AREL1: variants seen among roughly 807,000 people sequenced by gnomAD.
The protein encoded by AREL1 is apoptosis resistant E3 ubiquitin protein ligase 1.
In AREL1, 62 loss-of-function variants were observed where a neutral mutation model predicts 99.0. That is an observed-to-expected ratio of 0.63 (90% CI 0.51 to 0.77). The LOEUF (loss-of-function observed/expected upper bound fraction) is 0.77. AREL1 is among the 30% of genes least tolerant of loss of function. AREL1 has a pLI of 0.00. For synonymous variants in AREL1, 380 were observed against 376.5 expected, an observed-to-expected ratio of 1.01 and a Z score of -0.11; for missense variants, 879 against 1,027.6, an observed-to-expected ratio of 0.86 and a Z score of 1.98.
At chr14:74,696,786 A>C (rs1472677581) in intron 1 of AREL1, among the ~76,000 whole-genome samples, 1 of 152,144 alleles carries the variant, frequency 6.6e-6, no homozygotes, top group Non-Finnish European at 1.5e-5. Context: ...CCAACATGGC[A>C]AAACCCCATC....
rs140710636 is a variant in AREL1 at position 74,665,325 on chromosome 14, C to T, written c.2104-400G>A. Among the ~76,000 whole-genome samples, 288 of 151,300 alleles carry T rather than the reference C, an allele frequency of 1.9e-3. 1 individual carries two copies. The highest frequency in any genetic ancestry group is 6.6e-3 in the African/African-American group (270 of 41,190). On this transcript the variant is annotated intron_variant, in intron 17 of 19. Transcript: ENST00000356357. Reference sequence around the variant, plus strand: ...CACTGTCTCGGCTCACTGCAACCTCCACCTCTCCACCTTGCATGCTCAAGT... The same window carrying T: ...CACTGTCTCGGCTCACTGCAACCTCTACCTCTCCACCTTGCATGCTCAAGT...
intron 8 of AREL1, among the ~76,000 whole-genome samples, chr14:74,674,388 C>T (rs1293017471): frequency 6.6e-6 from 1 of 152,068 alleles, no homozygotes; most frequent in African/African-American, 2.4e-5. Flanking sequence ...TCACTTGAGG[C>T]CAGGAGTTCA....
intron 15 of AREL1, among the ~76,000 whole-genome samples, chr14:74,668,028 A>G (rs935953023): frequency 3.9e-5 from 6 of 152,248 alleles, no homozygotes; most frequent in Non-Finnish European, 7.3e-5. Context: ...TTGTTCCCAC[A>G]CATTCTTTTA....
intron 3 of AREL1, 39 bp from the exon 4 acceptor site, chr14:74,684,719 A>C: frequency 6.3e-7 from 1 of 1,578,162 alleles, no homozygotes; most frequent in Non-Finnish European, 8.7e-7. Context: ...CCTGCCAGTT[A>C]CACATTACAG....
chr14:74,668,959 C>T (rs1290485514), intron 15 of AREL1, among the ~76,000 whole-genome samples: 1 of 152,144 alleles, frequency 6.6e-6, no homozygotes, highest in Non-Finnish European at 1.5e-5. Flanking sequence ...CTTACTGCAG[C>T]CTTAACCTCC....
At position 74,662,444 on chromosome 14, in the gene AREL1, T is replaced by C. The variant is rs553782787; in HGVS notation, c.*1276A>G. On this transcript the variant is annotated 3_prime_UTR_variant, in exon 20 of 20. Transcript: ENST00000356357. Reference sequence around the variant, plus strand: ...ACAAATTTGGGAAGTCAATGAGATTTTGAATCTTGAAATTATTTTCAATCA... The same window carrying C: ...ACAAATTTGGGAAGTCAATGAGATTCTGAATCTTGAAATTATTTTCAATCA... 5.0e-6 allele frequency: 2 copies of C among 397,512 alleles called. No individual in the cohort carries two copies. The highest frequency in any genetic ancestry group is 4.1e-5 in the African/African-American group (2 of 48,728). 24.6% of individuals were successfully genotyped at this position (397,512 alleles called of 1,614,324 possible). A position where few individuals can be genotyped will look rare whatever the true frequency, so the allele number is the denominator to read the frequency against.
chr14:74,684,188 C>A (rs1178690746), intron 4 of AREL1, among the ~76,000 whole-genome samples: 2 of 152,184 alleles, frequency 1.3e-5, no homozygotes, highest in Non-Finnish European at 2.9e-5. Flanking sequence ...GATTTGCTAA[C>A]CCCTATCTAT....
At chr14:74,675,587 T>G in intron 8 of AREL1, 112 bp downstream of exon 8, 1 of 1,420,716 alleles carries the variant, frequency 7.0e-7, no homozygotes, top group Non-Finnish European at 9.4e-7. Flanking sequence ...ATACAACTAG[T>G]TAACAATCTT....
intron 6 of AREL1, 88 bp downstream of exon 6, chr14:74,676,491 GGAAA>G (rs1234596478): frequency 6.8e-7 from 1 of 1,472,066 alleles, no homozygotes; most frequent in Non-Finnish European, 9.2e-7. Flanking sequence ...TCAAGGAGAA[GGAAA>G]GAGAGATCGA....
chr14:74,661,402 T>A lies in AREL1; in HGVS notation c.*2318A>T. ...AACATGCTGACACTCTCCTAGGTATTCACTCATGTCTGGTCTCCTTCAAAG... is the reference window on the plus strand; with the variant it reads ...AACATGCTGACACTCTCCTAGGTATACACTCATGTCTGGTCTCCTTCAAAG... On this transcript the variant is annotated 3_prime_UTR_variant, in exon 20 of 20. Transcript: ENST00000356357. The A allele has an allele frequency of 2.2e-6, 1 of 450,406 alleles. No homozygotes were observed. The highest frequency in any genetic ancestry group is 1.6e-5 in the South Asian group (1 of 63,588). The allele number at this position is 450,406 out of a possible 1,614,324, so 27.9% of individuals were successfully genotyped here.
intron 1 of AREL1, among the ~76,000 whole-genome samples, chr14:74,702,205 C>T (rs556425685): frequency 7.2e-5 from 11 of 152,232 alleles, no homozygotes; most frequent in Non-Finnish European, 1.5e-4. Context: ...TGTGTGGGAG[C>T]TTCAACCCCA....
chr14:74,707,931 T>A (rs1042065260), intron 1 of AREL1, among the ~76,000 whole-genome samples: 9 of 146,038 alleles, frequency 6.2e-5, no homozygotes, highest in African/African-American at 1.8e-4. Flanking sequence ...CACTCCAGCC[T>A]GGGCGACAGA....
Position 74,684,592 on chromosome 14 carries a change from A to G in AREL1, c.105T>C (p.Asn35=). The G allele has an allele frequency of 6.2e-7, 1 of 1,614,168 alleles. No individual in the cohort carries two copies. The highest frequency in any genetic ancestry group is 1.7e-5 in the Admixed American group (1 of 60,024). The change falls in exon 4 of 20, where the codon AAT becomes AAC. Residue 35 remains asparagine (N), a synonymous_variant. Transcript: ENST00000356357. The part of the protein sequence containing the change: ...LAARVVSFLQ[N]EDRERRGDRT... ...GGTCCCCTCGGCGCTCGCGGTCCTC[A>G]TTCTGGAGGAAGCTGACTACACGTG...
In AREL1 at chr14:74,683,288, G is replaced by T. The variant is rs1318134124; in HGVS notation, c.481+8C>A. The T allele has an allele frequency of 1.3e-6, 2 of 1,598,438 alleles. No individual in the cohort carries two copies. Among genetic ancestry groups the T allele is most frequent in the Non-Finnish European group, 1.7e-6 (2 of 1,167,928 alleles). On this transcript the variant is annotated splice_region_variant and intron_variant, in intron 5 of 19. Coordinates refer to ENST00000356357, the MANE Select transcript of AREL1 (RefSeq NM_001039479.2). Reference sequence around the variant, plus strand: ...ACAAAGGGAAAAAGAAAGGAAAAAAGAACCTACCAGGTTGAAAAATTTTGT... The same window carrying T: ...ACAAAGGGAAAAAGAAAGGAAAAAATAACCTACCAGGTTGAAAAATTTTGT...
At position 74,676,745 on chromosome 14, in the gene AREL1, C is replaced by T. The variant is rs760688454; in HGVS notation, c.489G>A (p.Val163=). Residue 163 remains valine (V), a synonymous_variant, in exon 6 of 20, where the codon GTG becomes GTA. Transcript: ENST00000356357. ...ACACAATTTTGGTCTTAGAAGGAAC[C>T]ACCATTCCTGGAACAAAGACAATGG... is the stretch of plus-strand genomic sequence containing the variant. ...PYYKIFQPGM[V]VPSKTKIVCH... 3.6e-5 allele frequency: 58 copies of T among 1,592,284 alleles called. No individual in the cohort carries two copies. Among genetic ancestry groups the T allele is most frequent in the Non-Finnish European group, 4.9e-5 (57 of 1,170,828 alleles).
At chr14:74,688,197 T>C (rs1225548977) in intron 2 of AREL1, among the ~76,000 whole-genome samples, 1 of 151,832 alleles carries the variant, frequency 6.6e-6, no homozygotes, top group African/African-American at 2.4e-5. Flanking sequence ...AGCTAATTTT[T>C]TGTATTTTTG....
At position 74,667,469 on chromosome 14, in the gene AREL1, T is replaced by C; in HGVS notation, c.2040A>G (p.Leu680=). 6.2e-7 allele frequency: 1 copy of C among 1,613,584 alleles called. No individual in the cohort carries two copies. The highest frequency in any genetic ancestry group is 1.1e-5 in the South Asian group (1 of 91,042). Reference sequence around the variant, plus strand: ...CAAGAACAGACAGGATCCCACCTTTTAGGAAATGTTCCACCTCCTCTTTCA... The same window carrying C: ...CAAGAACAGACAGGATCCCACCTTTCAGGAAATGTTCCACCTCCTCTTTCA... ...SQVKEEVEHF[L]KGLNELVPEN... is the part of the protein sequence containing the mutation. The change falls in exon 16 of 20, where the codon CTA becomes CTG. Residue 680 remains leucine (L), a synonymous_variant. Coordinates refer to ENST00000356357, the MANE Select transcript of AREL1 (RefSeq NM_001039479.2).
intron 5 of AREL1, among the ~76,000 whole-genome samples, chr14:74,677,694 C>T (rs1357506320): frequency 2.0e-5 from 3 of 151,140 alleles, no homozygotes; most frequent in Non-Finnish European, 4.4e-5. Context: ...GTAGAGACAG[C>T]GTTTCACCAT....
intron 1 of AREL1, among the ~76,000 whole-genome samples, chr14:74,697,421 T>G (rs1399877228): frequency 6.6e-6 from 1 of 152,162 alleles, no homozygotes; most frequent in Non-Finnish European, 1.5e-5. Flanking sequence ...GTTAGGGTGG[T>G]CTAACTAAGG....
Sources: allele counts gnomAD v4.1 joint callset (sites outside exome capture counted in the v4.1 genomes callset), GRCh38; gene constraint gnomAD v4.1.1; transcripts MANE v1.5; gene names NCBI Gene and HGNC (gene_info 2026-07-23, HGNC 2026-07-21).